CCDC180: variants seen among roughly 807,000 people sequenced by gnomAD.
CCDC180 encodes the protein coiled-coil domain-containing protein 180.
A neutral mutation model predicts 209.2 loss-of-function variants in CCDC180; 154 were observed. The ratio of observed to expected loss-of-function variants is 0.74; its 90% CI spans 0.65 to 0.84. CCDC180 has a LOEUF of 0.84. Among genes scored for constraint, CCDC180 ranks in the 40% least tolerant of loss-of-function variants. The pLI is 0.00. For missense variants in CCDC180, 1,874 were observed against 1,997.3 expected, an observed-to-expected ratio of 0.94 and a Z score of 1.18; for synonymous variants, 778 against 749.1, an observed-to-expected ratio of 1.04 and a Z score of -0.63.
In CCDC180 at chr9:97,317,270, G is replaced by T. The variant is rs550765467; in HGVS notation, c.959+42G>T. 25 of 1,478,524 alleles carry T rather than the reference G, an allele frequency of 1.7e-5. No homozygotes were observed. The South Asian group carries it at 3.0e-4, about 18-fold the overall frequency. The allele number at this position is 1,478,524 out of a possible 1,614,324, so 91.6% of individuals were successfully genotyped here. ...CAGCTCCTTCTCCAGCCCACCAGGG[G>T]GGCTGGCAAAGGGTAGGGGCGGCAT... On this transcript the variant is annotated intron_variant, in intron 9 of 36. Coordinates refer to ENST00000529487, the MANE Select transcript of CCDC180 (RefSeq NM_020893.6).
chr9:97,340,326 T>G (rs1210311568), intron 18 of CCDC180, among the ~76,000 whole-genome samples: 1 of 152,178 alleles, frequency 6.6e-6, no homozygotes, highest in East Asian at 1.9e-4. Context: ...TTGATGATGG[T>G]GACCTACAGA....
At position 97,375,526 on chromosome 9, in the gene CCDC180, T is replaced by A. The variant is rs1420118375; in HGVS notation, c.4779T>A (p.Ile1593=). The change falls in exon 36 of 37, where the codon ATT becomes ATA. Residue 1593 remains isoleucine (I), a synonymous_variant. Transcript: ENST00000529487. ...TTCTTCTCCAGCCAACATCATCGAT[T>A]TCCACCACCAAAACCACCCTGGGCC... is the stretch of plus-strand genomic sequence containing the variant. ...NKILLQPTSS[I]STTKTTLGHL... 5 of 1,614,026 alleles carry A rather than the reference T, an allele frequency of 3.1e-6. No individual in the cohort carries two copies. The highest frequency in any genetic ancestry group is 4.2e-6 in the Non-Finnish European group (5 of 1,180,038).
intron 5 of CCDC180, 50 bp downstream of exon 5, chr9:97,313,395 G>T: frequency 1.0e-5 from 14 of 1,385,840 alleles, no homozygotes; most frequent in Non-Finnish European, 1.4e-5. Flanking sequence ...CATTCCAAAG[G>T]TGGGTGTGTC....
chr9:97,330,242 G>A (rs766821026), intron 17 of CCDC180, 49 bp downstream of exon 17: 29 of 1,610,716 alleles, frequency 1.8e-5, no homozygotes, highest in South Asian at 6.6e-5. Context: ...TCACTCTTAC[G>A]CGTTTGTGGG....
At chr9:97,364,214 A>C in intron 29 of CCDC180, 86 bp downstream of exon 29, 1 of 1,296,412 alleles carries the variant, frequency 7.7e-7, no homozygotes, top group Non-Finnish European at 1.1e-6. Context: ...GAGGGGAAAA[A>C]TCAGAAAGGG....
At chr9:97,320,657 G>T (rs1833329019) in intron 11 of CCDC180, among the ~76,000 whole-genome samples, 1 of 152,160 alleles carries the variant, frequency 6.6e-6, no homozygotes, top group African/African-American at 2.4e-5. Context: ...CTTGTGGGGT[G>T]GATGTCCAGT....
At chr9:97,318,320 AG>A in intron 9 of CCDC180, 142 bp from the exon 10 acceptor site, 1 of 963,830 alleles carries the variant, frequency 1.0e-6, no homozygotes, top group Non-Finnish European at 1.5e-6. Context: ...GAAGAGGCAA[AG>A]TCTGGGGAGG....
intron 21 of CCDC180, 33 bp from the exon 22 acceptor site, chr9:97,350,376 A>G (rs1564167320): frequency 2.0e-6 from 3 of 1,530,828 alleles, no homozygotes; most frequent in African/African-American, 1.4e-5. Context: ...GTTGTCCCCC[A>G]TCACTGTCCT....
At position 97,343,370 on chromosome 9, in the gene CCDC180, A is replaced by T; in HGVS notation, c.2305A>T (p.Ile769Leu). The change falls in exon 19 of 37, where the codon ATA (isoleucine) becomes TTA (leucine). Residue 769 changes from isoleucine (I) to leucine (L), a missense_variant. By Grantham distance (5) the Ile-to-Leu change is conservative. Coordinates refer to ENST00000529487, the MANE Select transcript of CCDC180 (RefSeq NM_020893.6). ...AGACAAGGAAGAGGGTCTAGAGGAG[A>T]TATACTATGAGGACATGGAGTCCTT... ...EEDKEEGLEE[I>L]YYEDMESFTI... 1.2e-6 allele frequency: 2 copies of T among 1,612,924 alleles called. No homozygotes were observed. Among genetic ancestry groups the T allele is most frequent in the East Asian group, 4.5e-5 (2 of 44,876 alleles).
At chr9:97,337,295 T>G (rs1219412641) in intron 18 of CCDC180, among the ~76,000 whole-genome samples, 1 of 152,222 alleles carries the variant, frequency 6.6e-6, no homozygotes. Context: ...ATACTGGCTG[T>G]GGGTTTGTCA....
rs751749851 is a variant in CCDC180 at position 97,325,200 on chromosome 9, C to T, written c.1545+8C>T. 5 of 1,581,228 alleles carry T rather than the reference C, an allele frequency of 3.2e-6. No homozygotes were observed. The Admixed American group carries it at 7.4e-5, about 24-fold the overall frequency. ...CACAGCCTGGAGAGCCAGGTGAGAC[C>T]CACACCCGGGGCTCCATGTTTCACA... On this transcript the variant is annotated splice_region_variant and intron_variant, in intron 14 of 36. Transcript: ENST00000529487.
chr9:97,348,124 G>A (rs867686824), intron 20 of CCDC180, among the ~76,000 whole-genome samples: 4 of 149,138 alleles, frequency 2.7e-5, no homozygotes, highest in African/African-American at 4.9e-5. Flanking sequence ...CGGGGCGGGG[G>A]GGGGGCATGT....
chr9:97,364,991 T>C (rs374200100), intron 29 of CCDC180, among the ~76,000 whole-genome samples: 52 of 152,294 alleles, frequency 3.4e-4, no homozygotes, highest in African/African-American at 1.2e-3. Flanking sequence ...ATTAAAATGT[T>C]GATGAGTTTA....
intron 11 of CCDC180, among the ~76,000 whole-genome samples, chr9:97,320,773 CT>C (rs1833332331): frequency 1.3e-5 from 2 of 152,258 alleles, no homozygotes; most frequent in African/African-American, 4.8e-5. Flanking sequence ...GTGCTGACTG[CT>C]GGTTTTGGAA....
chr9:97,327,365 G>A (rs986622274), intron 15 of CCDC180, among the ~76,000 whole-genome samples: 2 of 152,060 alleles, frequency 1.3e-5, no homozygotes, highest in Non-Finnish European at 2.9e-5. Context: ...CGTGCAAATT[G>A]TTCCATAACT....
chr9:97,350,582 C>T lies in CCDC180; in HGVS notation c.3002+27C>T, dbSNP rs1311044447. The T allele has an allele frequency of 2.6e-6, 4 of 1,534,546 alleles. No individual in the cohort carries two copies. The East Asian group carries it at 9.8e-5, about 38-fold the overall frequency. On this transcript the variant is annotated intron_variant, in intron 22 of 36. Transcript: ENST00000529487. ...TGGGAGCCAGTGTCCAGGGCCTCTT[C>T]AGGCCACCTGAGTTTCTCTATTGGG...
chr9:97,331,684 G>GC (rs576630028), intron 18 of CCDC180, among the ~76,000 whole-genome samples: 1 of 150,924 alleles, frequency 6.6e-6, no homozygotes, highest in African/African-American at 2.5e-5. Flanking sequence ...ATACTGGTTG[G>GC]CCACATGTAT....
chr9:97,324,918 A>G, intron 13 of CCDC180, 101 bp from the exon 14 acceptor site: 1 of 1,106,078 alleles, frequency 9.0e-7, no homozygotes, highest in African/African-American at 1.5e-5. Context: ...TCTGGGCAAT[A>G]CTGTTCAGTC....
intron 29 of CCDC180, chr9:97,364,715 C>T (rs1202541934): frequency 6.5e-6 from 1 of 154,556 alleles, no homozygotes; most frequent in Non-Finnish European, 1.4e-5. Context: ...GTGTGGCCTC[C>T]AGCTGGCAGG....
Sources: gnomAD v4.1 joint callset for allele counts (sites outside exome capture counted in the v4.1 genomes callset) on GRCh38, gnomAD v4.1.1 for gene constraint, MANE v1.5 for transcripts, NCBI Gene and HGNC (gene_info 2026-07-23, HGNC 2026-07-21) for gene names.